Variants in ASH1L observed in about 807,000 individuals in gnomAD.
ASH1L encodes histone-lysine N-methyltransferase ASH1L.
ASH1L carries 23 observed loss-of-function variants against 269.0 expected under a neutral mutation model. The ratio of observed to expected loss-of-function variants is 0.09; its 90% confidence interval spans 0.06 to 0.12. ASH1L has a LOEUF of 0.12. Among genes scored for constraint, ASH1L ranks in the 10% least tolerant of loss-of-function variants. ASH1L has a pLI of 1.00. For synonymous variants in ASH1L, 1,187 were observed against 1,253.5 expected, an observed-to-expected ratio of 0.95 and a Z score of 1.12; for missense variants, 2,912 against 3,567.8, an observed-to-expected ratio of 0.82 and a Z score of 4.68.
chr1:155,352,123 TG>T (rs1443855210), intron 17 of ASH1L, among the ~76,000 whole-genome samples: 1 of 151,792 alleles, frequency 6.6e-6, no homozygotes, highest in Non-Finnish European at 1.5e-5. Context: ...TGCAGTGACA[TG>T]GTAGACATAC....
At chr1:155,347,949 G>A in intron 19 of ASH1L, 45 bp from the exon 20 acceptor site, 4 of 1,606,636 alleles carry the variant, frequency 2.5e-6, no homozygotes, top group Non-Finnish European at 3.4e-6. Flanking sequence ...CTCTCAATGT[G>A]GCTTAACAAT....
rs1672117055 is a variant in ASH1L, at chr1:155,562,738, G to A, written c.-685C>T. Reference sequence around the variant, plus strand: ...TCGTCCAGTCCCTCACTACCCCTCAGGCCCTGTCAAGCCGGCGCCGGCGCA... The same window carrying A: ...TCGTCCAGTCCCTCACTACCCCTCAAGCCCTGTCAAGCCGGCGCCGGCGCA... On this transcript the variant is annotated 5_prime_UTR_variant, in exon 1 of 28. Transcript: ENST00000392403. The A allele has an allele frequency of 7.6e-7, 1 of 1,315,220 alleles. No homozygotes were observed. Among genetic ancestry groups the A allele is most frequent in the African/African-American group, 1.5e-5 (1 of 68,496 alleles). The allele number at this position is 1,315,220 out of a possible 1,614,324, so 81.5% of individuals were successfully genotyped here.
chr1:155,407,589 A>G (rs1171333324), intron 6 of ASH1L, among the ~76,000 whole-genome samples: 1 of 152,196 alleles, frequency 6.6e-6, no homozygotes, highest in Admixed American at 6.5e-5. Flanking sequence ...ATACAGCTAT[A>G]AAAAATAAAA....
chr1:155,470,621 G>A lies in ASH1L; in HGVS notation c.4984+7265C>T, dbSNP rs1381650644. 8.9e-5 allele frequency among the ~76,000 whole-genome samples: 13 copies of A among 146,158 alleles called. No homozygotes were observed. In the East Asian group the frequency reaches 1.6e-3, roughly 18 times the overall value. On this transcript the variant is annotated intron_variant, in intron 3 of 27. Coordinates refer to ENST00000392403, the MANE Select transcript of ASH1L (RefSeq NM_018489.3). Reference sequence around the variant, plus strand: ...GGCCGGAGTGCAATGGTGCAATCTCGGCTCACTACAATCTCCACCTCCTGG... The same window carrying A: ...GGCCGGAGTGCAATGGTGCAATCTCAGCTCACTACAATCTCCACCTCCTGG...
Position 155,438,319 on chromosome 1 carries a change from G to C in ASH1L, c.5828+8C>G. The stretch of plus-strand genomic sequence containing the variant: ...TCTACTCAGATAATATGTTAAATGA[G>C]GAATTACCTTTTATTATTCTCTTGC... On this transcript the variant is annotated splice_region_variant and intron_variant, in intron 5 of 27. Coordinates refer to ENST00000392403, the MANE Select transcript of ASH1L (RefSeq NM_018489.3). 1 of 1,535,880 alleles carries C rather than the reference G, an allele frequency of 6.5e-7. No individual in the cohort carries two copies. Among genetic ancestry groups the C allele is most frequent in the Non-Finnish European group, 8.7e-7 (1 of 1,146,738 alleles).
At chr1:155,515,631 C>T (rs1009860926) in intron 2 of ASH1L, among the ~76,000 whole-genome samples, 4 of 151,904 alleles carry the variant, frequency 2.6e-5, no homozygotes, top group Non-Finnish European at 4.4e-5. Flanking sequence ...AATTCGAGAC[C>T]ATCCTGGCCA....
intron 1 of ASH1L, among the ~76,000 whole-genome samples, chr1:155,540,067 CAA>C (rs199663612): frequency 2.9e-5 from 4 of 138,774 alleles, no homozygotes; most frequent in Admixed American, 7.2e-5. Flanking sequence ...GACCTTGTCT[CAA>C]AAAAAAAAAA....
chr1:155,554,058 G>C lies in ASH1L; in HGVS notation c.-100+8095C>G, dbSNP rs1168545288. Reference sequence around the variant, plus strand: ...GATCTGCCCACCTCAGCCACTCAAAGTGTAAGCCACTGCGCCCGGCCCGAG... The same window carrying C: ...GATCTGCCCACCTCAGCCACTCAAACTGTAAGCCACTGCGCCCGGCCCGAG... On this transcript the variant is annotated intron_variant, in intron 1 of 27. Coordinates refer to ENST00000392403, the MANE Select transcript of ASH1L (RefSeq NM_018489.3). 2.7e-5 allele frequency among the ~76,000 whole-genome samples: 4 copies of C among 150,528 alleles called. No homozygotes were observed. The East Asian group carries it at 7.8e-4, about 29-fold the overall frequency.
In ASH1L at chr1:155,558,331, C is replaced by T. The variant is rs1032338124; in HGVS notation, c.-100+3822G>A. ...TAAAAATACATAAAAAATAGCCGGG[C>T]GTGGTGGCACACACCTGTAATCCCA... On this transcript the variant is annotated intron_variant, in intron 1 of 27. Transcript: ENST00000392403. Among the ~76,000 whole-genome samples the T allele has an allele frequency of 3.9e-5, 6 of 152,014 alleles. No individual in the cohort carries two copies. In the East Asian group the frequency reaches 7.7e-4, roughly 20 times the overall value.
Position 155,378,599 on chromosome 1 carries a change from G to C in ASH1L, c.6178-51C>G, listed in dbSNP as rs553804892. On this transcript the variant is annotated intron_variant, in intron 8 of 27. Transcript: ENST00000392403. Reference sequence around the variant, plus strand: ...ATATAGCATTTAACTTCAAATGCCAGACGGCAGCATCAATCACTAAAAATA... The same window carrying C: ...ATATAGCATTTAACTTCAAATGCCACACGGCAGCATCAATCACTAAAAATA... The C allele has an allele frequency of 2.7e-4, 384 of 1,406,374 alleles. 2 individuals are homozygous for C. The highest frequency in any genetic ancestry group is 3.6e-4 in the Non-Finnish European group (357 of 1,004,080). 87.1% of individuals were successfully genotyped at this position (1,406,374 alleles called of 1,614,324 possible).
At chr1:155,351,854 A>T (rs1653960527) in intron 17 of ASH1L, among the ~76,000 whole-genome samples, 1 of 151,732 alleles carries the variant, frequency 6.6e-6, no homozygotes, top group African/African-American at 2.4e-5. Flanking sequence ...TTGTCTCAAA[A>T]AAAAAAAAGT....
At position 155,434,145 on chromosome 1, in the gene ASH1L, C is replaced by T. The variant is rs1661876017; in HGVS notation, c.5828+4182G>A. 3.8e-6 allele frequency: 6 copies of T among 1,593,602 alleles called. No homozygotes were observed. The Admixed American group carries it at 7.1e-5, about 19-fold the overall frequency. On this transcript the variant is annotated intron_variant, in intron 5 of 27. Coordinates refer to ENST00000392403, the MANE Select transcript of ASH1L (RefSeq NM_018489.3). ...CTGGCCCCAGGGCCCCATTTTGGTA[C>T]CCCAGGCTATGGGAGCCCTCACTTC...
In ASH1L at chr1:155,437,407, T is replaced by C. The variant is rs143422331; in HGVS notation, c.5828+920A>G. On this transcript the variant is annotated intron_variant, in intron 5 of 27. Coordinates refer to ENST00000392403, the MANE Select transcript of ASH1L (RefSeq NM_018489.3). ...AAACTACAATGAGATACCCATCTCA[T>C]ACTCATTTGGATGGCTGCTATAAAA... 2.8e-3 allele frequency among the ~76,000 whole-genome samples: 429 copies of C among 152,308 alleles called. 1 individual carries two copies. The highest frequency in any genetic ancestry group is 4.2e-3 in the Non-Finnish European group (287 of 68,026).
chr1:155,418,003 TGAG>T (rs1327765072), intron 5 of ASH1L, among the ~76,000 whole-genome samples: 1 of 149,714 alleles, frequency 6.7e-6, no homozygotes, highest in East Asian at 1.9e-4. Flanking sequence ...AAAAACAATA[TGAG>T]AATCCAAACT....
chr1:155,433,602 C>T, intron 5 of ASH1L: 1 of 1,610,302 alleles, frequency 6.2e-7, no homozygotes, highest in Admixed American at 1.7e-5. Flanking sequence ...AACATCAAAG[C>T]TCTGCAGAAA....
At chr1:155,519,252 T>C (rs1338621318) in intron 2 of ASH1L, among the ~76,000 whole-genome samples, 2 of 151,986 alleles carry the variant, frequency 1.3e-5, no homozygotes, top group African/African-American at 4.8e-5. Flanking sequence ...CTGACCAACA[T>C]GGAGAAACCC....
In ASH1L at chr1:155,426,505, A is replaced by T. The variant is rs931049156; in HGVS notation, c.5829-10582T>A. Among the ~76,000 whole-genome samples, 14 of 151,604 alleles carry T rather than the reference A, an allele frequency of 9.2e-5. No individual in the cohort carries two copies. The South Asian group carries it at 2.9e-3, about 32-fold the overall frequency. ...CGTGAGACACCGCGCCTGGCCCATT[A>T]ATTTTTATATTTTTAATAGAGATAG... On this transcript the variant is annotated intron_variant, in intron 5 of 27. Coordinates refer to ENST00000392403, the MANE Select transcript of ASH1L (RefSeq NM_018489.3).
chr1:155,513,201 T>C (rs947437041), intron 2 of ASH1L, among the ~76,000 whole-genome samples: 1 of 152,156 alleles, frequency 6.6e-6, no homozygotes, highest in Non-Finnish European at 1.5e-5. Flanking sequence ...TGTGAGTTCC[T>C]GGTGGGAATG....
chr1:155,405,829 C>T (rs1392325821), intron 6 of ASH1L, among the ~76,000 whole-genome samples: 1 of 77,072 alleles, frequency 1.3e-5, no homozygotes, highest in South Asian at 4.7e-4. Flanking sequence ...TTCTCTGTGT[C>T]AAAAAAAAAA....
Sources: allele counts gnomAD v4.1 joint callset (sites outside exome capture counted in the v4.1 genomes callset), GRCh38; gene constraint gnomAD v4.1.1; transcripts MANE v1.5; gene names NCBI Gene and HGNC (gene_info 2026-07-23, HGNC 2026-07-21).